NBEAL2: variants seen among roughly 807,000 people sequenced by gnomAD.
NBEAL2 encodes neurobeachin like 2, also known as neurobeachin-like protein 2.
A neutral mutation model predicts 299.8 loss-of-function variants in NBEAL2; 160 were observed. That is an observed-to-expected ratio of 0.53 (90% CI 0.47 to 0.61). The LOEUF (loss-of-function observed/expected upper bound fraction) is 0.61, where lower values mean the gene tolerates loss of function less well. Ranked by LOEUF, NBEAL2 falls within the 20% of genes least tolerant of loss-of-function variation. NBEAL2 has a pLI of 0.00. For synonymous variants in NBEAL2, 1,493 were observed against 1,542.3 expected (o/e 0.97, Z 0.75); for missense variants, 3,112 against 3,649.0 (o/e 0.85, Z 3.79).
chr3:47,002,067 G>A lies in NBEAL2; in HGVS notation c.4930G>A (p.Glu1644Lys), dbSNP rs901379406. ...NTSSLESATD[E>K]AGSPLAAAAA... The stretch of plus-strand genomic sequence containing the variant: ...CTCTTCCTTGGAGTCAGCCACTGAT[G>A]AGGCAGGGTCCCCACTTGCAGCTGC... The change falls in exon 31 of 54, where the codon GAG becomes AAG. Residue 1644 changes from glutamate (E) to lysine (K), a missense_variant. Physicochemically the swap from Glu to Lys is moderately conservative, Grantham distance 56 (BLOSUM62 1). Coordinates refer to ENST00000450053, the MANE Select transcript of NBEAL2 (RefSeq NM_015175.3). 1.3e-6 allele frequency: 2 copies of A among 1,552,814 alleles called. No individual in the cohort carries two copies. Among genetic ancestry groups the A allele is most frequent in the Non-Finnish European group, 8.7e-7 (1 of 1,148,204 alleles).
rs376817760 is a variant in NBEAL2, at chr3:46,984,071, C to T, written c.51+4159C>T. Among the ~76,000 whole-genome samples, 18 of 151,178 alleles carry T rather than the reference C, an allele frequency of 1.2e-4. No individual in the cohort carries two copies. The East Asian group carries it at 1.4e-3, about 11-fold the overall frequency. On this transcript the variant is annotated intron_variant, in intron 1 of 53. Coordinates refer to ENST00000450053, the MANE Select transcript of NBEAL2 (RefSeq NM_015175.3). ...ATCCCAGCACTTTGGGAGGCTGAGG[C>T]GGGCAGATCACGAGGTCAGGAGATC...
At chr3:46,983,288 C>T (rs1312712850) in intron 1 of NBEAL2, among the ~76,000 whole-genome samples, 1 of 149,194 alleles carries the variant, frequency 6.7e-6, no homozygotes, top group Admixed American at 6.8e-5. Flanking sequence ...TCCACTCCCC[C>T]GGTACTTTAC....
chr3:46,983,287 C>T (rs1209212345), intron 1 of NBEAL2, among the ~76,000 whole-genome samples: 2 of 150,872 alleles, frequency 1.3e-5, no homozygotes, highest in African/African-American at 2.4e-5. Flanking sequence ...CTCCACTCCC[C>T]CGGTACTTTA....
chr3:46,987,995 A>C (rs1473619386), intron 1 of NBEAL2: 4 of 1,276,174 alleles, frequency 3.1e-6, no homozygotes, highest in Middle Eastern at 2.1e-4. Context: ...CGTTCACACC[A>C]AAGTTTTCCT....
chr3:46,991,949 G>C lies in NBEAL2; in HGVS notation c.1032+3G>C. ...CTCGGCTCATTCAGAACAGCAAGGTGGGTAGGGCCCAGCCTGGGGGTGAGG... is the reference window on the plus strand; with the variant it reads ...CTCGGCTCATTCAGAACAGCAAGGTCGGTAGGGCCCAGCCTGGGGGTGAGG... On this transcript the variant is annotated splice_donor_region_variant and intron_variant, in intron 9 of 53. Transcript: ENST00000450053. This position sits in a 1 kb window ranked among gnomAD's most constrained non-coding sequence, Gnocchi z 6.2. 1 of 1,590,636 alleles carries C rather than the reference G, an allele frequency of 6.3e-7. No homozygotes were observed. The highest frequency in any genetic ancestry group is 8.6e-7 in the Non-Finnish European group (1 of 1,168,648).
chr3:46,979,926 G>GC lies in NBEAL2; in HGVS notation c.51+18dup. The GC allele has an allele frequency of 2.7e-6, 1 of 376,440 alleles. No homozygotes were observed. The highest frequency in any genetic ancestry group is 4.8e-6 in the Non-Finnish European group (1 of 210,472). 23.3% of individuals were successfully genotyped at this position (376,440 alleles called of 1,614,324 possible). On this transcript the variant is annotated intron_variant, in intron 1 of 53. Transcript: ENST00000450053. Reference sequence around the variant, plus strand: ...TACTACGCGCAGGTGAGCCCGCCCCGCCCCGCGCCCGCACCCGCACCCGCG... The same window carrying GC: ...TACTACGCGCAGGTGAGCCCGCCCCGCCCCCGCGCCCGCACCCGCACCCGCG...
Position 47,004,752 on chromosome 3 carries a change from TC to T in NBEAL2, c.6294+166del. On this transcript the variant is annotated intron_variant, in intron 38 of 53. Transcript: ENST00000450053. The surrounding 1 kb of genome is among the most constrained non-coding windows in gnomAD (Gnocchi z 5.0). ...TCTGTTCCCTGCCAACCCCCAGAGG[TC>T]CCCAGCCTCACTCCCTTCCCCTCCC... The T allele has an allele frequency of 2.3e-6, 2 of 856,128 alleles. No individual in the cohort carries two copies. The highest frequency in any genetic ancestry group is 3.7e-6 in the Non-Finnish European group (2 of 547,300). 53.0% of individuals were successfully genotyped at this position (856,128 alleles called of 1,614,324 possible). A position where few individuals can be genotyped will look rare whatever the true frequency, so the allele number is the denominator to read the frequency against.
chr3:47,000,548 C>A lies in NBEAL2; in HGVS notation c.4305+144C>A. On this transcript the variant is annotated intron_variant, in intron 27 of 53. Coordinates refer to ENST00000450053, the MANE Select transcript of NBEAL2 (RefSeq NM_015175.3). This position sits in a 1 kb window ranked among gnomAD's most constrained non-coding sequence, Gnocchi z 4.5. ...CTGGTCAGGCCTATTGCTGTCCCCTCATAGCTCTCATCTGCAGTTGTGTTC... is the reference window on the plus strand; with the variant it reads ...CTGGTCAGGCCTATTGCTGTCCCCTAATAGCTCTCATCTGCAGTTGTGTTC... The A allele has an allele frequency of 9.3e-7, 1 of 1,078,786 alleles. No individual in the cohort carries two copies. Among genetic ancestry groups the A allele is most frequent in the Non-Finnish European group, 1.3e-6 (1 of 761,044 alleles). 66.8% of individuals were successfully genotyped at this position (1,078,786 alleles called of 1,614,324 possible).
rs749896920 is a variant in NBEAL2 at position 47,005,950 on chromosome 3, C to T, written c.6806C>T (p.Ser2269Leu). The change falls in exon 43 of 54, where the codon TCG (serine) becomes TTG (leucine). Residue 2269 changes from serine to leucine, a missense_variant. This residue lies in a region of NBEAL2 where 521 missense variants were observed against 729.6 expected (regional missense o/e 0.71). Coordinates refer to ENST00000450053, the MANE Select transcript of NBEAL2 (RefSeq NM_015175.3). ...TTGCTGCCTCCCTACTCTCAGGAGT[C>T]GGAGTATGTGTCTGCACACCTACAC... is the stretch of plus-strand genomic sequence containing the variant. ...FIQQHRQALE[S>L]EYVSAHLHEW... The T allele has an allele frequency of 1.2e-6, 2 of 1,613,430 alleles. No homozygotes were observed. Among genetic ancestry groups the T allele is most frequent in the Non-Finnish European group, 1.7e-6 (2 of 1,179,800 alleles).
At chr3:46,996,139 C>A in intron 15 of NBEAL2, 88 bp downstream of exon 15, 2 of 1,545,484 alleles carry the variant, frequency 1.3e-6, no homozygotes, top group South Asian at 1.2e-5. Flanking sequence ...CCTTGTGTCC[C>A]GTGCTGCCCC....
chr3:47,007,532 C>T lies in NBEAL2; in HGVS notation c.7342C>T (p.Arg2448Ter), dbSNP rs1265991354. Residue 2448 changes from arginine to a stop codon, truncating the protein, a stop_gained, in exon 48 of 54, where the codon CGA becomes TGA. Transcript: ENST00000450053. LOFTEE classifies it high-confidence loss of function. Reference sequence around the variant, plus strand: ...TCCCCCTCACTGGGTCAGGACGCAGCGACTGCTGAGTGGCCCGTGGGTGCC... The same window carrying T: ...TCCCCCTCACTGGGTCAGGACGCAGTGACTGCTGAGTGGCCCGTGGGTGCC... The part of the protein sequence containing the change: ...DPTMGSHKTQ[R>*]LLSGPWVPGS... The T allele has an allele frequency of 1.2e-6, 2 of 1,611,330 alleles. No homozygotes were observed. The highest frequency in any genetic ancestry group is 8.5e-7 in the Non-Finnish European group (1 of 1,179,150).
intron 1 of NBEAL2, among the ~76,000 whole-genome samples, chr3:46,980,789 A>C (rs2035276475): frequency 1.3e-5 from 2 of 152,118 alleles, no homozygotes; most frequent in African/African-American, 4.8e-5. Flanking sequence ...TTCTGTACCC[A>C]CAGCAGGGAG....
In NBEAL2 at chr3:47,005,163, G is replaced by T. The variant is rs776684908; in HGVS notation, c.6420-18G>T. On this transcript the variant is annotated intron_variant, in intron 39 of 53. Coordinates refer to ENST00000450053, the MANE Select transcript of NBEAL2 (RefSeq NM_015175.3). ...GCGAGGGGAGGGCTTCTGCTGACAC[G>T]TCCAACTGTGGCCCCAGGTATGAAA... The T allele has an allele frequency of 4.3e-6, 7 of 1,613,810 alleles. No homozygotes were observed.
At position 46,989,212 on chromosome 3, in the gene NBEAL2, G is replaced by A. The variant is rs1451037576; in HGVS notation, c.351+46G>A. On this transcript the variant is annotated intron_variant, in intron 4 of 53. Coordinates refer to ENST00000450053, the MANE Select transcript of NBEAL2 (RefSeq NM_015175.3). The surrounding 1 kb of genome is among the most constrained non-coding windows in gnomAD (Gnocchi z 5.5). ...GGGGGCAGAGGGTGTATGCAGGGAGGCAGGCGGTAGCCATGGCGGGGCTAA... is the reference window on the plus strand; with the variant it reads ...GGGGGCAGAGGGTGTATGCAGGGAGACAGGCGGTAGCCATGGCGGGGCTAA... The A allele has an allele frequency of 6.2e-7, 1 of 1,612,954 alleles. No homozygotes were observed. Among genetic ancestry groups the A allele is most frequent in the Non-Finnish European group, 8.5e-7 (1 of 1,179,412 alleles).
In NBEAL2 at chr3:47,003,300, T is replaced by C. The variant is rs1167624703; in HGVS notation, c.5711T>C (p.Leu1904Pro). 8 of 1,612,408 alleles carry C rather than the reference T, an allele frequency of 5.0e-6. No individual in the cohort carries two copies. Among genetic ancestry groups the C allele is most frequent in the Non-Finnish European group, 6.8e-6 (8 of 1,179,672 alleles). Residue 1904 changes from leucine to proline, a missense_variant, in exon 35 of 54, where the codon CTG (leucine) becomes CCG (proline). Transcript: ENST00000450053. This position sits in a 1 kb window ranked among gnomAD's most constrained non-coding sequence, Gnocchi z 7.0. ...CTCGGCGAGGACGAGCTGGCTGAGC[T>C]GGAGACCCCGTGAGTGGGGCCCTGG... ...DQLGEDELAE[L>P]ETPMEAAELD...
In NBEAL2 at chr3:46,997,345, TCCAGCTGAAA is replaced by T; in HGVS notation, c.2738_2747del (p.Pro913ArgfsTer9). On this transcript the variant is annotated frameshift_variant, in exon 19 of 54. Coordinates refer to ENST00000450053, the MANE Select transcript of NBEAL2 (RefSeq NM_015175.3). LOFTEE classifies it high-confidence loss of function. ...CACAGCCCAAAGAGGCTGAAGCAGG[TCCAGCTGAAA>T]CGCATGACCTCGTGGGTCCTGAACT... is the stretch of plus-strand genomic sequence containing the variant. The T allele has an allele frequency of 6.2e-7, 1 of 1,612,794 alleles. No individual in the cohort carries two copies. Among genetic ancestry groups the T allele is most frequent in the Non-Finnish European group, 8.5e-7 (1 of 1,179,822 alleles).
intron 6 of NBEAL2, among the ~76,000 whole-genome samples, chr3:46,990,202 G>C (rs1206355037): frequency 6.6e-6 from 1 of 152,182 alleles, no homozygotes; most frequent in African/African-American, 2.4e-5. Flanking sequence ...AAATGTCTCA[G>C]TGATGCCCCC....
At chr3:46,984,835 C>T (rs1277926948) in intron 1 of NBEAL2, among the ~76,000 whole-genome samples, 1 of 152,092 alleles carries the variant, frequency 6.6e-6, no homozygotes, top group Non-Finnish European at 1.5e-5. Context: ...GGGGTTGTTG[C>T]CTGGAATTCA....
Position 47,003,117 on chromosome 3 carries a change from G to C in NBEAL2, c.5584+36G>C. On this transcript the variant is annotated intron_variant, in intron 34 of 53. Transcript: ENST00000450053. This position sits in a 1 kb window ranked among gnomAD's most constrained non-coding sequence, Gnocchi z 7.0. ...GTGCTGAGATGGGTCCACCCAACTC[G>C]ATTGTCCCGTCTCCTGTCCTGCCTT... 9.3e-6 allele frequency: 15 copies of C among 1,610,714 alleles called. No homozygotes were observed. Among genetic ancestry groups the C allele is most frequent in the Non-Finnish European group, 1.3e-5 (15 of 1,178,006 alleles).
Sources: gnomAD v4.1 joint callset for allele counts (sites outside exome capture counted in the v4.1 genomes callset) on GRCh38, gnomAD v4.1.1 for gene constraint, gnomAD v4.1.1 regional missense constraint, Gnocchi (gnomAD v3.1) non-coding constraint, MANE v1.5 for transcripts, NCBI Gene and HGNC (gene_info 2026-07-23, HGNC 2026-07-21) for gene names.